NCMAP: variants seen among roughly 807,000 people sequenced by gnomAD.
NCMAP encodes the protein noncompact myelin-associated protein.
NCMAP carries 8 observed loss-of-function variants against 7.8 expected under a neutral mutation model. The ratio of observed to expected loss-of-function variants is 1.02; its 90% CI spans 0.60 to 1.84. The LOEUF is 1.84. Ranked by LOEUF, NCMAP falls within the 40% of genes most tolerant of loss-of-function variation. The probability of loss-of-function intolerance (pLI) is 0.00; values close to 1 mark genes in which losing one functional copy is unlikely to be tolerated. For synonymous variants in NCMAP, 41 were observed against 52.9 expected (o/e 0.78, Z 0.98); for missense variants, 112 against 131.4 (o/e 0.85, Z 0.72).
intron 1 of NCMAP, among the ~76,000 whole-genome samples, chr1:24,571,761 T>C (rs1651396422): frequency 6.7e-6 from 1 of 149,918 alleles, no homozygotes; most frequent in African/African-American, 2.5e-5. Flanking sequence ...AATTTTTGTG[T>C]TTTTGGTAGA....
chr1:24,561,047 AATC>A (rs1651033638), intron 1 of NCMAP, among the ~76,000 whole-genome samples: 2 of 151,826 alleles, frequency 1.3e-5, no homozygotes, highest in African/African-American at 4.8e-5. Flanking sequence ...AAATATTTAA[AATC>A]ATCCCGGCGC....
intron 1 of NCMAP, among the ~76,000 whole-genome samples, chr1:24,557,173 G>C (rs1201134141): frequency 6.6e-6 from 1 of 152,158 alleles, no homozygotes; most frequent in Non-Finnish European, 1.5e-5. Context: ...CCAGCACGGT[G>C]CCCAGCATGC....
chr1:24,605,304 G>C (rs144405983), intron 3 of NCMAP, among the ~76,000 whole-genome samples: 122 of 152,104 alleles, frequency 8.0e-4, no homozygotes, highest in African/African-American at 2.8e-3. Context: ...CTACAACTTT[G>C]AACATAAAAA....
At chr1:24,591,558 G>A (rs1392217569) in intron 1 of NCMAP, among the ~76,000 whole-genome samples, 4 of 152,228 alleles carry the variant, frequency 2.6e-5, no homozygotes, top group South Asian at 2.1e-4. Flanking sequence ...ATGAGTCACC[G>A]TGCCTGGCCT....
rs752003661 is a variant in NCMAP at position 24,605,810 on chromosome 1, G to A, written c.*63G>A. 3.5e-4 allele frequency: 545 copies of A among 1,575,198 alleles called. No homozygotes were observed. The highest frequency in any genetic ancestry group is 4.4e-4 in the Non-Finnish European group (503 of 1,149,004). ...GCCTCTCCAGAGTCAAGACCCAGAG[G>A]CACACTCTCTGGCAGCTTCACAATG... On this transcript the variant is annotated 3_prime_UTR_variant, in exon 4 of 4. Transcript: ENST00000374392.
chr1:24,587,963 T>G (rs1036428929), intron 1 of NCMAP, among the ~76,000 whole-genome samples: 7 of 152,144 alleles, frequency 4.6e-5, no homozygotes, highest in African/African-American at 1.4e-4. Context: ...TTTTATTTTT[T>G]TTTAGGAGTT....
chr1:24,605,128 A>G (rs1652678565), intron 3 of NCMAP, among the ~76,000 whole-genome samples: 1 of 152,168 alleles, frequency 6.6e-6, no homozygotes, highest in Non-Finnish European at 1.5e-5. Flanking sequence ...AAAAAGAAAA[A>G]AAAAAAGAAT....
intron 1 of NCMAP, among the ~76,000 whole-genome samples, chr1:24,592,719 C>A (rs990785528): frequency 7.9e-5 from 12 of 151,822 alleles, no homozygotes; most frequent in Non-Finnish European, 1.3e-4. Context: ...GAGATCGAGA[C>A]CATCTTGGCT....
In NCMAP at chr1:24,604,605, AATATATATATATATATATATATATAT is replaced by A. The variant is rs71032835; in HGVS notation, c.168-978_168-953del. On this transcript the variant is annotated intron_variant, in intron 3 of 3. Coordinates refer to ENST00000374392, the MANE Select transcript of NCMAP (RefSeq NM_001010980.5). ...AAAAAAAAAAAAAAAAAAAAAAAAA[AATATATATATATATATATATATATAT>A]ATATATATATATATATATATATGTC... Among the ~76,000 whole-genome samples the A allele has an allele frequency of 9.0e-4, 19 of 21,192 alleles. 1 individual carries two copies. Among genetic ancestry groups the A allele is most frequent in the Non-Finnish European group, 1.2e-3 (17 of 13,752 alleles). The allele number at this position is 21,192 out of a possible 152,430, so 13.9% of individuals were successfully genotyped here.
At chr1:24,574,438 T>A (rs1651486846) in intron 1 of NCMAP, among the ~76,000 whole-genome samples, 1 of 152,056 alleles carries the variant, frequency 6.6e-6, no homozygotes. Flanking sequence ...GAGAGTTATA[T>A]CATCAGTGTC....
intron 2 of NCMAP, among the ~76,000 whole-genome samples, chr1:24,596,906 AG>A (rs1366978514): frequency 6.6e-6 from 1 of 152,120 alleles, no homozygotes; most frequent in Admixed American, 6.6e-5. Flanking sequence ...GGTGTGTGTC[AG>A]CCATTTCAGC....
chr1:24,597,726 T>C (rs1159191229), intron 2 of NCMAP, among the ~76,000 whole-genome samples: 1 of 151,672 alleles, frequency 6.6e-6, no homozygotes, highest in African/African-American at 2.4e-5. Flanking sequence ...GGTTCTCAAC[T>C]AGGTGTTTTT....
At chr1:24,594,655 C>T (rs1251645264) in intron 1 of NCMAP, among the ~76,000 whole-genome samples, 2 of 152,210 alleles carry the variant, frequency 1.3e-5, no homozygotes, top group African/African-American at 2.4e-5. Flanking sequence ...TTTTTCAAGG[C>T]ATATTCAACT....
In NCMAP at chr1:24,598,440, C is replaced by T. The variant is rs572852638; in HGVS notation, c.83-2500C>T. 1.6e-4 allele frequency among the ~76,000 whole-genome samples: 25 copies of T among 152,052 alleles called. No homozygotes were observed. The East Asian group carries it at 4.1e-3, about 25-fold the overall frequency. On this transcript the variant is annotated intron_variant, in intron 2 of 3. Transcript: ENST00000374392. ...CTGCTATTCTGACTTTTACCACCATCGATTAGTTCTGCTTGGTTTTGAACT... is the reference window on the plus strand; with the variant it reads ...CTGCTATTCTGACTTTTACCACCATTGATTAGTTCTGCTTGGTTTTGAACT...
At chr1:24,562,866 A>G (rs79917596) in intron 1 of NCMAP, among the ~76,000 whole-genome samples, 18,895 of 152,224 alleles carry the variant, frequency 0.12, 1,533 homozygotes, top group East Asian at 0.23. Context: ...TGAACTTGGC[A>G]GAGTGCCAGG....
At chr1:24,584,397 A>G (rs2148932091) in intron 1 of NCMAP, among the ~76,000 whole-genome samples, 1 of 152,240 alleles carries the variant, frequency 6.6e-6, no homozygotes, top group East Asian at 1.9e-4. Flanking sequence ...TGGGGTTTCT[A>G]TTTATAACTC....
intron 1 of NCMAP, among the ~76,000 whole-genome samples, chr1:24,580,219 C>T (rs916689523): frequency 9.8e-5 from 15 of 152,312 alleles, no homozygotes; most frequent in African/African-American, 2.6e-4. Flanking sequence ...GTGGCTAATG[C>T]AACGGAGACA....
intron 1 of NCMAP, among the ~76,000 whole-genome samples, chr1:24,571,719 G>A (rs892696276): frequency 1.3e-5 from 2 of 149,650 alleles, no homozygotes; most frequent in African/African-American, 2.5e-5. Flanking sequence ...CCGAGTAGCT[G>A]GGATTACAGG....
chr1:24,595,293 T>A, intron 1 of NCMAP, 131 bp from the exon 2 acceptor site: 1 of 613,996 alleles, frequency 1.6e-6, no homozygotes, highest in South Asian at 2.2e-5. Flanking sequence ...GTTTTGCATT[T>A]ACTTGCTGCC....
Sources: allele counts gnomAD v4.1 joint callset (sites outside exome capture counted in the v4.1 genomes callset), GRCh38; gene constraint gnomAD v4.1.1; transcripts MANE v1.5; gene names NCBI Gene and HGNC (gene_info 2026-07-23, HGNC 2026-07-21).